The following HDAC9 variants were observed in gnomAD, a reference collection of about 807,000 sequenced individuals.
HDAC9 encodes the protein MEF-2 interacting transcription repressor (MITR) protein.
Under a neutral mutation model 139.4 loss-of-function variants are expected in HDAC9, and 41 were observed. The ratio of observed to expected loss-of-function variants is 0.29; its 90% CI spans 0.23 to 0.38. HDAC9 has a LOEUF of 0.38. Among genes scored for constraint, HDAC9 ranks in the 10% least tolerant of loss-of-function variants. The probability of loss-of-function intolerance (pLI) is 1.00; values close to 1 mark genes in which losing one functional copy is unlikely to be tolerated. For missense variants in HDAC9, 1,147 were observed against 1,297.0 expected, an observed-to-expected ratio of 0.88 and a Z score of 1.78; for synonymous variants, 517 against 476.2, an observed-to-expected ratio of 1.09 and a Z score of -1.12.
At chr7:18,136,146 G>T (rs1273300020) in intron 1 of HDAC9, among the ~76,000 whole-genome samples, 8 of 149,658 alleles carry the variant, frequency 5.3e-5, no homozygotes, top group South Asian at 2.1e-4. Context: ...TTTTTGATGG[G>T]GTTGTTTGTT....
intron 2 of HDAC9, among the ~76,000 whole-genome samples, chr7:18,200,630 G>A (rs1270058956): frequency 6.6e-6 from 1 of 152,148 alleles, no homozygotes; most frequent in Non-Finnish European, 1.5e-5. Flanking sequence ...TTTGGTAGTA[G>A]ACTAACACCA....
chr7:18,444,687 A>G (rs1180327998), intron 1 of HDAC9, among the ~76,000 whole-genome samples: 2 of 152,174 alleles, frequency 1.3e-5, no homozygotes, highest in Non-Finnish European at 2.9e-5. Flanking sequence ...GCTACGCCCA[A>G]AGGAGGCATG....
At chr7:18,663,627 C>T (rs1029928440) in intron 11 of HDAC9, among the ~76,000 whole-genome samples, 16 of 152,204 alleles carry the variant, frequency 1.1e-4, no homozygotes, top group South Asian at 2.1e-4. Flanking sequence ...AACACCTCTC[C>T]GGGTATCTAC....
intron 2 of HDAC9, among the ~76,000 whole-genome samples, chr7:18,233,072 T>C (rs1277493451): frequency 6.6e-6 from 1 of 152,168 alleles, no homozygotes; most frequent in Non-Finnish European, 1.5e-5. Context: ...CTTTAAATTC[T>C]GAGAGAAGCA....
chr7:18,591,535 A>G lies in HDAC9; in HGVS notation c.435A>G (p.Glu145=). The G allele has an allele frequency of 6.3e-7, 1 of 1,597,810 alleles. No homozygotes were observed. Residue 145 remains glutamate (E), a synonymous_variant, in exon 5 of 26, where the codon GAA becomes GAG. Coordinates refer to ENST00000686413, the MANE Select transcript of HDAC9 (RefSeq NM_178425.4). The part of the protein sequence containing the change: ...RGRERAVAST[E]VKQKLQEFLL... ...TTTCAGGGGCAGTGGCAAGTACAGAAGTAAAGCAGAAGCTTCAAGAGTTCC... is the reference window on the plus strand; with the variant it reads ...TTTCAGGGGCAGTGGCAAGTACAGAGGTAAAGCAGAAGCTTCAAGAGTTCC...
intron 24 of HDAC9, among the ~76,000 whole-genome samples, chr7:18,957,695 T>A (rs1464007283): frequency 6.6e-6 from 1 of 152,180 alleles, no homozygotes; most frequent in Non-Finnish European, 1.5e-5. Context: ...GCTTCGCAAC[T>A]GCACAGGTAA....
chr7:18,674,320 G>A (rs1781366722), intron 12 of HDAC9, among the ~76,000 whole-genome samples: 1 of 151,872 alleles, frequency 6.6e-6, no homozygotes, highest in Admixed American at 6.6e-5. Context: ...ATTTTCTGTG[G>A]TCAACCTACA....
chr7:18,697,367 A>G (rs1783130238), intron 12 of HDAC9, among the ~76,000 whole-genome samples: 1 of 152,164 alleles, frequency 6.6e-6, no homozygotes, highest in Non-Finnish European at 1.5e-5. Context: ...AAAAGCTGAC[A>G]AGTATAAAAA....
At chr7:18,720,949 C>T (rs780398186) in intron 12 of HDAC9, among the ~76,000 whole-genome samples, 5 of 151,962 alleles carry the variant, frequency 3.3e-5, no homozygotes, top group African/African-American at 4.8e-5. Flanking sequence ...CAAAGTGCTG[C>T]GATTATAGTG....
intron 13 of HDAC9, among the ~76,000 whole-genome samples, chr7:18,746,357 A>C (rs940305240): frequency 2.0e-5 from 3 of 152,096 alleles, no homozygotes; most frequent in Non-Finnish European, 4.4e-5. Flanking sequence ...CTGTATTTTA[A>C]ATGTTATTCT....
At chr7:18,834,608 TATG>T (rs1201395567) in intron 19 of HDAC9, among the ~76,000 whole-genome samples, 4 of 150,982 alleles carry the variant, frequency 2.6e-5, no homozygotes, top group Non-Finnish European at 5.9e-5. Context: ...TAAAGAAAGC[TATG>T]ATATGATATT....
At chr7:18,470,323 AAAAG>A (rs1450949257) in intron 1 of HDAC9, among the ~76,000 whole-genome samples, 1 of 152,138 alleles carries the variant, frequency 6.6e-6, no homozygotes, top group African/African-American at 2.4e-5. Flanking sequence ...CTTAAAAAAA[AAAAG>A]AAGCCAAACC....
At chr7:18,845,558 CTT>C (rs1796850756) in intron 21 of HDAC9, among the ~76,000 whole-genome samples, 1 of 152,070 alleles carries the variant, frequency 6.6e-6, no homozygotes, top group Non-Finnish European at 1.5e-5. Context: ...TAATTGTTTG[CTT>C]TGGTGGATGT....
At chr7:18,243,666 C>A (rs895641396) in intron 2 of HDAC9, among the ~76,000 whole-genome samples, 4 of 152,238 alleles carry the variant, frequency 2.6e-5, no homozygotes, top group African/African-American at 9.6e-5. Flanking sequence ...TCTCCTCTCC[C>A]CCACTGCCAC....
chr7:18,633,231 G>A (rs929072567), intron 7 of HDAC9, among the ~76,000 whole-genome samples: 1 of 152,094 alleles, frequency 6.6e-6, no homozygotes, highest in Non-Finnish European at 1.5e-5. Context: ...TGGATGTAGA[G>A]AATGCCACTG....
intron 22 of HDAC9, among the ~76,000 whole-genome samples, chr7:18,920,566 T>C (rs1287273785): frequency 1.3e-5 from 2 of 152,152 alleles, no homozygotes; most frequent in Non-Finnish European, 2.9e-5. Flanking sequence ...ATCCCTGTCT[T>C]GTGCCAGTTT....
chr7:18,528,209 A>T (rs1807574904), intron 2 of HDAC9, among the ~76,000 whole-genome samples: 1 of 151,722 alleles, frequency 6.6e-6, no homozygotes, highest in African/African-American at 2.4e-5. Flanking sequence ...AGGTGGGAGG[A>T]TTGGGGAGGT....
intron 12 of HDAC9, among the ~76,000 whole-genome samples, chr7:18,718,398 A>T (rs528921678): frequency 2.6e-5 from 4 of 151,378 alleles, no homozygotes; most frequent in Admixed American, 2.0e-4. Flanking sequence ...CGCCTCGCTA[A>T]TTTTTTTGCA....
At chr7:18,287,530 C>G (rs961489717), upstream of HDAC9, among the ~76,000 whole-genome samples, 2 of 152,174 alleles carry the variant, frequency 1.3e-5, no homozygotes, top group African/African-American at 4.8e-5. Flanking sequence ...GGAGGTTTCA[C>G]ATAAAAATCC....
Sources: gnomAD v4.1 joint callset for allele counts (sites outside exome capture counted in the v4.1 genomes callset) on GRCh38, gnomAD v4.1.1 for gene constraint, MANE v1.5 for transcripts, NCBI Gene and HGNC (gene_info 2026-07-23, HGNC 2026-07-21) for gene names.